GNAO1: variants seen among roughly 807,000 people sequenced by gnomAD.
GNAO1 encodes guanine nucleotide-binding protein G(o) subunit alpha.
For missense variants in GNAO1, 166 were observed against 478.7 expected (o/e 0.35, Z 6.10); for synonymous variants, 164 against 180.7 (o/e 0.91, Z 0.74).
chr16:56,269,867 T>A (rs907897764), intron 2 of GNAO1, among the ~76,000 whole-genome samples: 1 of 152,124 alleles, frequency 6.6e-6, no homozygotes, highest in Non-Finnish European at 1.5e-5. Flanking sequence ...AGAAGGAGAA[T>A]GGCTGCTGGG....
chr16:56,307,318 G>A (rs17347262), intron 3 of GNAO1: 55,681 of 152,156 alleles, frequency 0.37, 12,148 homozygotes, highest in Non-Finnish European at 0.5. Context: ...GGGCCTCCGC[G>A]TTGGTAGGGA....
At chr16:56,198,531 CT>C (rs2036253725) in intron 2 of GNAO1, among the ~76,000 whole-genome samples, 2 of 152,222 alleles carry the variant, frequency 1.3e-5, no homozygotes, top group Admixed American at 1.3e-4. Flanking sequence ...GGCTTCAAAT[CT>C]TGGCTCTACT....
intron 3 of GNAO1, among the ~76,000 whole-genome samples, chr16:56,314,564 G>A (rs1437585433): frequency 3.3e-5 from 5 of 152,220 alleles, no homozygotes; most frequent in East Asian, 1.9e-4. Context: ...CTTCACCAAC[G>A]ACATTCTTCA....
intron 6 of GNAO1, chr16:56,344,976 A>G: frequency 1.0e-6 from 1 of 982,342 alleles, no homozygotes; most frequent in Non-Finnish European, 1.2e-6. Context: ...GTGTCTTCCC[A>G]GCCCCTGGGG....
intron 3 of GNAO1, chr16:56,276,575 C>G (rs2037063349): frequency 1.3e-5 from 2 of 153,832 alleles, no homozygotes; most frequent in South Asian, 4.1e-4. Flanking sequence ...CTACAGGGCT[C>G]TCCTTCCTGT....
intron 6 of GNAO1, among the ~76,000 whole-genome samples, chr16:56,337,249 ATCCCTGGGGCACTGGCG>A (rs1365210100): frequency 1.3e-5 from 2 of 152,258 alleles, no homozygotes; most frequent in Non-Finnish European, 2.9e-5. Context: ...CCTGACAGCC[ATCCCTGGGGCACTGGCG>A]TCAGATGCTG....
rs922775903 is a variant in GNAO1, at chr16:56,326,193, C to A, written c.304-2438C>A. Among the ~76,000 whole-genome samples the A allele has an allele frequency of 1.3e-5, 2 of 152,218 alleles. No individual in the cohort carries two copies. Among genetic ancestry groups the A allele is most frequent in the African/African-American group, 2.4e-5 (1 of 41,462 alleles). On this transcript the variant is annotated intron_variant, in intron 3 of 8. Coordinates refer to ENST00000262493, the MANE Select transcript of GNAO1 (RefSeq NM_020988.3). This position sits in a 1 kb window ranked among gnomAD's most constrained non-coding sequence, Gnocchi z 4.8. Reference sequence around the variant, plus strand: ...CGCAGTGCCACTCTGCTGGTGCACACCCTGAGGCGTGGTGCCCCAGGCGGG... The same window carrying A: ...CGCAGTGCCACTCTGCTGGTGCACAACCTGAGGCGTGGTGCCCCAGGCGGG...
intron 3 of GNAO1, among the ~76,000 whole-genome samples, chr16:56,315,931 C>T (rs1456461690): frequency 2.0e-5 from 3 of 152,150 alleles, no homozygotes; most frequent in East Asian, 1.9e-4. Context: ...TGGTGGCGGG[C>T]ACCTGTAATC....
intron 6 of GNAO1, among the ~76,000 whole-genome samples, chr16:56,337,415 A>G (rs571559550): frequency 8.3e-4 from 127 of 152,254 alleles, no homozygotes; most frequent in African/African-American, 3.0e-3. Flanking sequence ...GGGATGAGGC[A>G]TGCTGGTGAG....
chr16:56,267,806 G>C (rs375132537), intron 2 of GNAO1, among the ~76,000 whole-genome samples: 2 of 152,162 alleles, frequency 1.3e-5, no homozygotes, highest in East Asian at 3.9e-4. Context: ...TGATATGGTG[G>C]CTGGCACCTA....
At chr16:56,297,465 C>T (rs906633081) in intron 3 of GNAO1, among the ~76,000 whole-genome samples, 6 of 151,404 alleles carry the variant, frequency 4.0e-5, no homozygotes, top group Non-Finnish European at 7.4e-5. Flanking sequence ...GTTTTCTGTG[C>T]GCACAGCCAC....
chr16:56,227,335 C>G (rs2036541108), intron 2 of GNAO1, among the ~76,000 whole-genome samples: 1 of 152,100 alleles, frequency 6.6e-6, no homozygotes, highest in African/African-American at 2.4e-5. Flanking sequence ...CTAGAGGAGC[C>G]CAGGTGTAGT....
chr16:56,334,887 G>A, intron 5 of GNAO1, 30 bp downstream of exon 5: 1 of 1,612,580 alleles, frequency 6.2e-7, no homozygotes, highest in African/African-American at 1.3e-5. Context: ...CCAGGCCCTG[G>A]CGAGGGCTAA....
rs534862458 is a variant in GNAO1, at chr16:56,351,075, G to C, written c.724-309G>C. Among the ~76,000 whole-genome samples the C allele has an allele frequency of 2.2e-4, 33 of 152,324 alleles. No homozygotes were observed. Among genetic ancestry groups the C allele is most frequent in the African/African-American group, 7.7e-4 (32 of 41,566 alleles). On this transcript the variant is annotated intron_variant, in intron 6 of 8. Coordinates refer to ENST00000262493, the MANE Select transcript of GNAO1 (RefSeq NM_020988.3). This position sits in a 1 kb window ranked among gnomAD's most constrained non-coding sequence, Gnocchi z 6.1. ...ACAGCCACACACACGTGTGCTGGGA[G>C]ACCCTCACATAGCTGGGAACTCTGC...
intron 3 of GNAO1, among the ~76,000 whole-genome samples, chr16:56,313,479 T>A (rs60402177): frequency 1.3e-5 from 2 of 152,216 alleles, no homozygotes; most frequent in Non-Finnish European, 2.9e-5. Flanking sequence ...AATGTCATTG[T>A]TTTACATTTT....
intron 6 of GNAO1, among the ~76,000 whole-genome samples, chr16:56,341,952 G>A (rs1274861764): frequency 2.0e-5 from 3 of 152,212 alleles, no homozygotes; most frequent in South Asian, 2.1e-4. Context: ...GGGGCATCCC[G>A]GGGGCTTGGG....
At chr16:56,243,603 GA>G (rs1169430235) in intron 2 of GNAO1, among the ~76,000 whole-genome samples, 3 of 152,076 alleles carry the variant, frequency 2.0e-5, no homozygotes, top group African/African-American at 7.2e-5. Flanking sequence ...AATGGATGGA[GA>G]AAAAAAGTAG....
At chr16:56,313,932 T>G (rs1033959566) in intron 3 of GNAO1, among the ~76,000 whole-genome samples, 5 of 151,696 alleles carry the variant, frequency 3.3e-5, no homozygotes, top group East Asian at 3.9e-4. Flanking sequence ...AGACGGGGTC[T>G]CACTGTGTTG....
chr16:56,283,311 C>A (rs1448813851), intron 3 of GNAO1, among the ~76,000 whole-genome samples: 2 of 152,162 alleles, frequency 1.3e-5, no homozygotes, highest in African/African-American at 4.8e-5. Flanking sequence ...TCTCAGTCAC[C>A]TACCTAAGCA....
Sources: allele counts gnomAD v4.1 joint callset (sites outside exome capture counted in the v4.1 genomes callset), GRCh38; gene constraint gnomAD v4.1.1; non-coding constraint Gnocchi (gnomAD v3.1); transcripts MANE v1.5; gene names NCBI Gene and HGNC (gene_info 2026-07-23, HGNC 2026-07-21).